Variants in EXOC6B observed in about 807,000 individuals in gnomAD.
EXOC6B encodes SEC15 homolog B.
Under a neutral mutation model 113.5 loss-of-function variants are expected in EXOC6B, and 54 were observed. The observed-to-expected ratio is 0.48, with a 90% confidence interval of 0.38 to 0.60. The LOEUF (loss-of-function observed/expected upper bound fraction) is 0.60, where lower values mean the gene tolerates loss of function less well. Ranked by LOEUF, EXOC6B falls within the 20% of genes least tolerant of loss-of-function variation. The pLI is 0.00. For synonymous variants in EXOC6B, 357 were observed against 339.0 expected, an observed-to-expected ratio of 1.05 and a Z score of -0.58; for missense variants, 797 against 977.5, an observed-to-expected ratio of 0.82 and a Z score of 2.46.
intron 19 of EXOC6B, among the ~76,000 whole-genome samples, chr2:72,338,001 T>C (rs1195010447): frequency 6.6e-6 from 1 of 152,150 alleles, no homozygotes; most frequent in Non-Finnish European, 1.5e-5. Flanking sequence ...AAGGGGTCCT[T>C]AATCTGAGTA....
intron 20 of EXOC6B, among the ~76,000 whole-genome samples, chr2:72,277,013 A>T (rs1181869756): frequency 6.6e-6 from 1 of 152,168 alleles, no homozygotes; most frequent in Non-Finnish European, 1.5e-5. Flanking sequence ...TTTGGCAAAC[A>T]AGTGAGTAGT....
At chr2:72,438,984 G>C (rs1696041096) in intron 18 of EXOC6B, among the ~76,000 whole-genome samples, 1 of 152,076 alleles carries the variant, frequency 6.6e-6, no homozygotes, top group African/African-American at 2.4e-5. Flanking sequence ...TTCCAGAAAA[G>C]TTTTCTGATG....
intron 20 of EXOC6B, among the ~76,000 whole-genome samples, chr2:72,247,406 A>G (rs776007906): frequency 1.7e-4 from 26 of 152,338 alleles, no homozygotes; most frequent in Non-Finnish European, 3.5e-4. Flanking sequence ...AATTCAGCAG[A>G]GGCTACTGCC....
chr2:72,243,096 C>T (rs925870708), intron 20 of EXOC6B, among the ~76,000 whole-genome samples: 2 of 151,994 alleles, frequency 1.3e-5, no homozygotes, highest in African/African-American at 4.8e-5. Context: ...AGGACATACC[C>T]GAGACTGGGT....
intron 18 of EXOC6B, among the ~76,000 whole-genome samples, chr2:72,457,052 G>C (rs902201807): frequency 2.0e-5 from 3 of 151,878 alleles, no homozygotes; most frequent in African/African-American, 7.2e-5. Flanking sequence ...AGTTGGGTGT[G>C]CTTAACAAAG....
At position 72,459,176 on chromosome 2, in the gene EXOC6B, A is replaced by G. The variant is rs202202642; in HGVS notation, c.1980+5984T>C. Among the ~76,000 whole-genome samples the G allele has an allele frequency of 1.2e-4, 18 of 147,928 alleles. No individual in the cohort carries two copies. In the East Asian group the frequency reaches 3.6e-3, roughly 29 times the overall value. ...AACAACCTTCATGCTAAAAACTCTC[A>G]ATAAATTAGGTATTGATGGGACGTA... On this transcript the variant is annotated intron_variant, in intron 18 of 21. Transcript: ENST00000272427.
intron 6 of EXOC6B, among the ~76,000 whole-genome samples, chr2:72,589,042 C>G (rs867443590): frequency 6.6e-6 from 1 of 151,740 alleles, no homozygotes; most frequent in South Asian, 2.1e-4. Context: ...AAGGCAGTGA[C>G]GCCAAGAAGA....
intron 8 of EXOC6B, among the ~76,000 whole-genome samples, chr2:72,542,845 C>G (rs751418255): frequency 1.2e-4 from 19 of 152,072 alleles, no homozygotes; most frequent in Non-Finnish European, 2.2e-4. Context: ...CCACAAAAAC[C>G]TCTGAAATTT....
intron 2 of EXOC6B, among the ~76,000 whole-genome samples, chr2:72,733,765 A>C (rs757937268): frequency 1.3e-4 from 20 of 152,182 alleles, no homozygotes; most frequent in Admixed American, 7.2e-4. Flanking sequence ...ATGATGGAAA[A>C]AATTAATTAT....
intron 18 of EXOC6B, among the ~76,000 whole-genome samples, chr2:72,394,888 C>T (rs1692624196): frequency 6.6e-6 from 1 of 152,054 alleles, no homozygotes; most frequent in Non-Finnish European, 1.5e-5. Context: ...TTTCAAGACA[C>T]ACCCTCTCAA....
At chr2:72,812,416 T>C (rs550228346) in intron 1 of EXOC6B, among the ~76,000 whole-genome samples, 2 of 152,316 alleles carry the variant, frequency 1.3e-5, no homozygotes, top group South Asian at 4.1e-4. Flanking sequence ...TATTTGTAGA[T>C]TGGAAGACTC....
intron 1 of EXOC6B, among the ~76,000 whole-genome samples, chr2:72,753,897 A>G (rs1682224499): frequency 6.6e-6 from 1 of 152,046 alleles, no homozygotes; most frequent in Non-Finnish European, 1.5e-5. Context: ...TAATACAACT[A>G]CTATAACCTG....
intron 16 of EXOC6B, among the ~76,000 whole-genome samples, chr2:72,483,115 A>T (rs1263651858): frequency 6.6e-6 from 1 of 152,212 alleles, no homozygotes; most frequent in African/African-American, 2.4e-5. Flanking sequence ...CTCTAGGAAA[A>T]AATATCCACC....
intron 20 of EXOC6B, among the ~76,000 whole-genome samples, chr2:72,240,421 A>G (rs1682238816): frequency 6.6e-6 from 1 of 152,194 alleles, no homozygotes; most frequent in South Asian, 2.1e-4. Flanking sequence ...CTAATTTAAT[A>G]CTTACGGAAA....
intron 18 of EXOC6B, among the ~76,000 whole-genome samples, chr2:72,381,625 T>G (rs1691681318): frequency 6.6e-6 from 1 of 152,186 alleles, no homozygotes; most frequent in Non-Finnish European, 1.5e-5. Context: ...AATTACTTTT[T>G]GAAGCTACTA....
chr2:72,772,919 G>A (rs1468259407), intron 1 of EXOC6B, among the ~76,000 whole-genome samples: 1 of 151,816 alleles, frequency 6.6e-6, no homozygotes. Flanking sequence ...ACAAAATAAA[G>A]CTCCAGTAGC....
rs942433386 is a variant in EXOC6B at position 72,635,422 on chromosome 2, G to A, written c.670-59754C>T. On this transcript the variant is annotated intron_variant, in intron 6 of 21. Coordinates refer to ENST00000272427, the MANE Select transcript of EXOC6B (RefSeq NM_015189.3). ...AAAGGAATAATAAGGGAATGCTATG[G>A]TAGAAAAGACTCTACACATATAAAT... 2.6e-5 allele frequency among the ~76,000 whole-genome samples: 4 copies of A among 152,108 alleles called. No homozygotes were observed. In the South Asian group the frequency reaches 6.2e-4, roughly 24 times the overall value.
intron 18 of EXOC6B, among the ~76,000 whole-genome samples, chr2:72,445,469 T>C (rs1696515389): frequency 6.6e-6 from 1 of 152,134 alleles, no homozygotes; most frequent in Non-Finnish European, 1.5e-5. Context: ...ACTGTATTGG[T>C]CTTTTTTCAC....
chr2:72,399,896 T>G (rs1208638635), intron 18 of EXOC6B, among the ~76,000 whole-genome samples: 3 of 152,140 alleles, frequency 2.0e-5, no homozygotes, highest in African/African-American at 7.2e-5. Context: ...TCTATCAAAA[T>G]GCCAATGTGA....
Sources: gnomAD v4.1 joint callset for allele counts (sites outside exome capture counted in the v4.1 genomes callset) on GRCh38, gnomAD v4.1.1 for gene constraint, MANE v1.5 for transcripts, NCBI Gene and HGNC (gene_info 2026-07-23, HGNC 2026-07-21) for gene names.